The following CARMIL1 variants were observed in gnomAD, a reference collection of about 807,000 sequenced individuals.
CARMIL1 encodes the protein F-actin-uncapping protein LRRC16A.
CARMIL1 carries 90 observed loss-of-function variants against 177.1 expected under a neutral mutation model. The observed-to-expected ratio is 0.51, with a 90% CI of 0.43 to 0.61. CARMIL1 has a LOEUF of 0.61. CARMIL1 is among the 20% of genes least tolerant of loss of function. The pLI, the probability that CARMIL1 is intolerant of heterozygous loss-of-function variation, is 0.00. For synonymous variants in CARMIL1, 577 were observed against 606.2 expected, an observed-to-expected ratio of 0.95 and a Z score of 0.71; for missense variants, 1,380 against 1,667.0, an observed-to-expected ratio of 0.83 and a Z score of 3.00.
At chr6:25,470,972 G>A (rs142420730) in intron 9 of CARMIL1, among the ~76,000 whole-genome samples, 197 bp from the exon 10 acceptor site, 5 of 152,290 alleles carry the variant, frequency 3.3e-5, no homozygotes, top group African/African-American at 4.8e-5. Flanking sequence ...CACTCTTGAA[G>A]GCCGGGACTT....
Position 25,554,136 on chromosome 6 carries a change from AGCTCT to A in CARMIL1, c.2592+44_2592+48del. ...CATCTTGAGCAGGACCTCCTGTTTC[AGCTCT>A]GCTGTGATGCAGGATGACTTCCGGT... On this transcript the variant is annotated intron_variant, in intron 28 of 36. Transcript: ENST00000329474. The surrounding 1 kb of genome is among the most constrained non-coding windows in gnomAD (Gnocchi z 4.6). 1 of 1,404,704 alleles carries A rather than the reference AGCTCT, an allele frequency of 7.1e-7. No homozygotes were observed. The highest frequency in any genetic ancestry group is 9.9e-7 in the Non-Finnish European group (1 of 1,009,244). The allele number at this position is 1,404,704 out of a possible 1,614,324, so 87.0% of individuals were successfully genotyped here.
chr6:25,384,118 C>T (rs1472464169), intron 2 of CARMIL1, among the ~76,000 whole-genome samples: 3 of 152,188 alleles, frequency 2.0e-5, no homozygotes, highest in East Asian at 3.8e-4. Context: ...GGATTACAGG[C>T]GTGAGCCACC....
chr6:25,340,323 T>C (rs1267714865), intron 2 of CARMIL1, among the ~76,000 whole-genome samples: 1 of 152,240 alleles, frequency 6.6e-6, no homozygotes, highest in Non-Finnish European at 1.5e-5. Context: ...GTGTGTAGCT[T>C]AATGCCTTTT....
rs1372912108 is a variant in CARMIL1, at chr6:25,332,759, ACACACACACACACGCG to A, written c.138+47864_138+47879del. ...AACATGCATACACACACACACACAC[ACACACACACACACGCG>A]CACACACACACACACACTTCTTTTA... On this transcript the variant is annotated intron_variant, in intron 2 of 36. Transcript: ENST00000329474. Among the ~76,000 whole-genome samples the A allele has an allele frequency of 1.6e-4, 21 of 132,222 alleles. 1 individual carries two copies. The highest frequency in any genetic ancestry group is 9.7e-4 in the Admixed American group (13 of 13,394). The allele number at this position is 132,222 out of a possible 152,430, so 86.7% of individuals were successfully genotyped here. A position where few individuals can be genotyped will look rare whatever the true frequency, so the allele number is the denominator to read the frequency against.
chr6:25,377,765 T>A (rs924342970), intron 2 of CARMIL1, among the ~76,000 whole-genome samples: 5 of 152,164 alleles, frequency 3.3e-5, no homozygotes, highest in Non-Finnish European at 5.9e-5. Context: ...CACACATGAC[T>A]TTTCTCCTTC....
intron 2 of CARMIL1, among the ~76,000 whole-genome samples, chr6:25,397,375 G>C (rs1793510960): frequency 6.6e-6 from 1 of 152,160 alleles, no homozygotes; most frequent in Non-Finnish European, 1.5e-5. Flanking sequence ...TCTTCAAGCA[G>C]GTGGTCAGAA....
In CARMIL1 at chr6:25,279,540, T is replaced by A; in HGVS notation, c.-256T>A. ...CCCGCTTGTAATCCGGTCCGCTCCTTATTCAGCCGCCGGGAACTGCGAGGA... is the reference window on the plus strand; with the variant it reads ...CCCGCTTGTAATCCGGTCCGCTCCTAATTCAGCCGCCGGGAACTGCGAGGA... On this transcript the variant is annotated 5_prime_UTR_variant, in exon 1 of 37. Transcript: ENST00000329474. The A allele has an allele frequency of 3.6e-6, 2 of 562,398 alleles. No individual in the cohort carries two copies. The highest frequency in any genetic ancestry group is 3.0e-5 in the East Asian group (1 of 33,282). The allele number at this position is 562,398 out of a possible 1,614,324, so 34.8% of individuals were successfully genotyped here.
intron 2 of CARMIL1, among the ~76,000 whole-genome samples, chr6:25,360,134 TCTTCCC>T (rs749767943): frequency 2.0e-5 from 3 of 152,152 alleles, no homozygotes; most frequent in Non-Finnish European, 4.4e-5. Context: ...TTGTTCATTG[TCTTCCC>T]GCTTACAGTA....
chr6:25,460,106 A>G (rs891117810), intron 8 of CARMIL1, among the ~76,000 whole-genome samples: 7 of 152,220 alleles, frequency 4.6e-5, no homozygotes, highest in Non-Finnish European at 1.0e-4. Flanking sequence ...CTTAGTGAAA[A>G]CACGAGGAAG....
At chr6:25,429,381 C>T (rs1451497101) in intron 4 of CARMIL1, among the ~76,000 whole-genome samples, 1 of 150,624 alleles carries the variant, frequency 6.6e-6, no homozygotes, top group African/African-American at 2.4e-5. Context: ...AATCCTATGT[C>T]TCTGACCCAG....
At position 25,331,269 on chromosome 6, in the gene CARMIL1, C is replaced by G. The variant is rs1785600984; in HGVS notation, c.138+46360C>G. 3.3e-5 allele frequency among the ~76,000 whole-genome samples: 5 copies of G among 152,176 alleles called. No homozygotes were observed. In the South Asian group the frequency reaches 1.0e-3, roughly 32 times the overall value. On this transcript the variant is annotated intron_variant, in intron 2 of 36. Coordinates refer to ENST00000329474, the MANE Select transcript of CARMIL1 (RefSeq NM_017640.6). ...ATGTGTTATGCCAGGACCTCAGTAG[C>G]AGGTGGGGGTGAAAAGCCCTGCACA...
At chr6:25,323,468 G>C (rs1419187547) in intron 2 of CARMIL1, among the ~76,000 whole-genome samples, 1 of 151,404 alleles carries the variant, frequency 6.6e-6, no homozygotes, top group Non-Finnish European at 1.5e-5. Flanking sequence ...AATTAGCCAG[G>C]TGTGGTGGCA....
At chr6:25,301,069 C>T (rs1473434936) in intron 2 of CARMIL1, among the ~76,000 whole-genome samples, 1 of 152,134 alleles carries the variant, frequency 6.6e-6, no homozygotes, top group Non-Finnish European at 1.5e-5. Flanking sequence ...AAGCTTGGTG[C>T]ATGCAACTTC....
At chr6:25,398,777 A>C (rs9366619) in intron 2 of CARMIL1, among the ~76,000 whole-genome samples, 33,389 of 152,160 alleles carry the variant, frequency 0.22, 4,249 homozygotes, top group Non-Finnish European at 0.29. Context: ...TATGAGCCCC[A>C]AGAGCTGGTC....
At chr6:25,356,763 C>T (rs73732952) in intron 2 of CARMIL1, among the ~76,000 whole-genome samples, 5,170 of 152,180 alleles carry the variant, frequency 0.034, 230 homozygotes, top group African/African-American at 0.11. Context: ...CTGCTAGAGT[C>T]TTGTATGGTG....
intron 12 of CARMIL1, among the ~76,000 whole-genome samples, chr6:25,484,698 G>A (rs977125728): frequency 1.3e-5 from 2 of 152,126 alleles, no homozygotes; most frequent in African/African-American, 4.8e-5. Context: ...AAACTCCCTT[G>A]TTCCTTAGTC....
intron 2 of CARMIL1, among the ~76,000 whole-genome samples, chr6:25,347,634 T>C (rs1054475206): frequency 1.3e-5 from 2 of 152,246 alleles, no homozygotes; most frequent in Non-Finnish European, 2.9e-5. Context: ...TTTAGATATA[T>C]GAAAGAATGG....
chr6:25,562,354 T>C (rs1042309445), intron 29 of CARMIL1, among the ~76,000 whole-genome samples: 1 of 151,984 alleles, frequency 6.6e-6, no homozygotes, highest in Non-Finnish European at 1.5e-5. Context: ...TTCAAGCAAT[T>C]GTCCTGCCTC....
chr6:25,362,087 C>A (rs1317893121), intron 2 of CARMIL1, among the ~76,000 whole-genome samples: 1 of 152,108 alleles, frequency 6.6e-6, no homozygotes, highest in Admixed American at 6.5e-5. Flanking sequence ...AAGGCGGGTT[C>A]CCAGAACCTT....
Sources: gnomAD v4.1 joint callset for allele counts (sites outside exome capture counted in the v4.1 genomes callset) on GRCh38, gnomAD v4.1.1 for gene constraint, Gnocchi (gnomAD v3.1) non-coding constraint, MANE v1.5 for transcripts, NCBI Gene and HGNC (gene_info 2026-07-23, HGNC 2026-07-21) for gene names.